Variants in RABGAP1L observed in about 807,000 individuals in gnomAD.
RABGAP1L encodes the protein rab GTPase-activating protein 1-like.
Under a neutral mutation model 137.7 loss-of-function variants are expected in RABGAP1L, and 63 were observed. The ratio of observed to expected loss-of-function variants is 0.46; its 90% confidence interval spans 0.37 to 0.56. The LOEUF (loss-of-function observed/expected upper bound fraction) is 0.56, where lower values mean the gene tolerates loss of function less well. Among genes scored for constraint, RABGAP1L ranks in the 20% least tolerant of loss-of-function variants. The pLI is 0.00. For synonymous variants in RABGAP1L, 431 were observed against 433.7 expected, an observed-to-expected ratio of 0.99 and a Z score of 0.08; for missense variants, 1,095 against 1,244.0, an observed-to-expected ratio of 0.88 and a Z score of 1.80.
intron 19 of RABGAP1L, among the ~76,000 whole-genome samples, chr1:174,943,078 T>C (rs1209594894): frequency 6.6e-6 from 1 of 152,120 alleles, no homozygotes; most frequent in East Asian, 1.9e-4. Context: ...CTTGGACTGG[T>C]TCCTGTGTAC....
chr1:174,574,586 T>C (rs1212978994), intron 13 of RABGAP1L, among the ~76,000 whole-genome samples: 2 of 152,166 alleles, frequency 1.3e-5, no homozygotes, highest in Non-Finnish European at 2.9e-5. Flanking sequence ...ATTTAAATTG[T>C]ACAAGTTTTG....
At chr1:174,311,809 G>A (rs1446644406) in intron 11 of RABGAP1L, among the ~76,000 whole-genome samples, 1 of 152,146 alleles carries the variant, frequency 6.6e-6, no homozygotes, top group Non-Finnish European at 1.5e-5. Context: ...GTTTCGCCGT[G>A]TTGGCCAGGC....
intron 18 of RABGAP1L, among the ~76,000 whole-genome samples, chr1:174,775,844 C>T (rs1686489606): frequency 6.6e-6 from 1 of 152,118 alleles, no homozygotes; most frequent in South Asian, 2.1e-4. Flanking sequence ...AATGTGTTTT[C>T]TGTTCATCTC....
intron 13 of RABGAP1L, among the ~76,000 whole-genome samples, chr1:174,461,398 T>G (rs1290514209): frequency 6.6e-6 from 1 of 152,168 alleles, no homozygotes; most frequent in Non-Finnish European, 1.5e-5. Flanking sequence ...CAAATCAGCT[T>G]TTACGTTAGA....
rs891048712 is a variant in RABGAP1L, at chr1:174,306,987, A to T, written c.1465+1860A>T. Among the ~76,000 whole-genome samples, 5 of 152,342 alleles carry T rather than the reference A, an allele frequency of 3.3e-5. No individual in the cohort carries two copies. In the East Asian group the frequency reaches 9.6e-4, roughly 29 times the overall value. ...GTTTTTTTCTATGATTGCCATAAAC[A>T]TAATAATTATTTTTAGCTAATATTT... On this transcript the variant is annotated intron_variant, in intron 11 of 25. Transcript: ENST00000681986.
At chr1:174,536,559 A>G (rs1451250215) in intron 13 of RABGAP1L, among the ~76,000 whole-genome samples, 1 of 152,180 alleles carries the variant, frequency 6.6e-6, no homozygotes, top group Non-Finnish European at 1.5e-5. Context: ...GATTTTTATG[A>G]AAACAAGCAA....
intron 13 of RABGAP1L, among the ~76,000 whole-genome samples, chr1:174,487,244 A>G (rs1235284309): frequency 6.6e-6 from 1 of 152,052 alleles, no homozygotes; most frequent in Non-Finnish European, 1.5e-5. Context: ...CTGTTACTCT[A>G]TTGGGGTTTA....
rs115718785 is a variant in RABGAP1L at position 174,372,004 on chromosome 1, C to T, written c.1559+932C>T. On this transcript the variant is annotated intron_variant, in intron 12 of 25. Coordinates refer to ENST00000681986, the MANE Select transcript of RABGAP1L (RefSeq NM_001366446.1). Reference sequence around the variant, plus strand: ...GAGATTAGGTTTATCAAATTTGGACCAAAGTATTGGGCCTGTTATTGTTTT... The same window carrying T: ...GAGATTAGGTTTATCAAATTTGGACTAAAGTATTGGGCCTGTTATTGTTTT... 1.2e-3 allele frequency among the ~76,000 whole-genome samples: 189 copies of T among 151,916 alleles called. 1 individual carries two copies. The highest frequency in any genetic ancestry group is 4.5e-3 in the African/African-American group (185 of 41,420).
chr1:174,963,400 C>T lies in RABGAP1L; in HGVS notation c.2433+5851C>T, dbSNP rs117122245. On this transcript the variant is annotated intron_variant, in intron 20 of 25. Coordinates refer to ENST00000681986, the MANE Select transcript of RABGAP1L (RefSeq NM_001366446.1). ...AGCAATATAGCTAATAAGGAGTGGG[C>T]GATTTCTAACAATGCTGGTCTGCTA... Among the ~76,000 whole-genome samples, 46 of 152,094 alleles carry T rather than the reference C, an allele frequency of 3.0e-4. No individual in the cohort carries two copies. The East Asian group carries it at 6.6e-3, about 22-fold the overall frequency.
intron 13 of RABGAP1L, among the ~76,000 whole-genome samples, chr1:174,479,451 A>T (rs1658848871): frequency 6.6e-6 from 1 of 152,168 alleles, no homozygotes; most frequent in African/African-American, 2.4e-5. Flanking sequence ...GCACTTTTGA[A>T]AACTCCTCAG....
chr1:174,511,755 T>C (rs1291552109), intron 13 of RABGAP1L, among the ~76,000 whole-genome samples: 1 of 152,106 alleles, frequency 6.6e-6, no homozygotes, highest in Non-Finnish European at 1.5e-5. Context: ...CCCAAGTAGC[T>C]GGGATTACAG....
intron 3 of RABGAP1L, among the ~76,000 whole-genome samples, chr1:174,226,695 C>T (rs1670206739): frequency 6.6e-6 from 1 of 151,808 alleles, no homozygotes; most frequent in Non-Finnish European, 1.5e-5. Flanking sequence ...GTCCTGAAGT[C>T]TAGTTTTTCT....
At chr1:174,312,466 A>T (rs10912761) in intron 11 of RABGAP1L, among the ~76,000 whole-genome samples, 86,276 of 151,922 alleles carry the variant, frequency 0.57, 26,664 homozygotes, top group African/African-American at 0.83. Context: ...TCCTACAGAG[A>T]TGTTTGAGCT....
At chr1:174,385,221 A>G (rs1347649171) in intron 12 of RABGAP1L, among the ~76,000 whole-genome samples, 1 of 152,216 alleles carries the variant, frequency 6.6e-6, no homozygotes, top group Non-Finnish European at 1.5e-5. Flanking sequence ...TTCTGGATAT[A>G]TTTTAAGAGA....
chr1:174,629,930 A>G (rs2148306332), intron 13 of RABGAP1L, among the ~76,000 whole-genome samples: 1 of 152,328 alleles, frequency 6.6e-6, no homozygotes, highest in African/African-American at 2.4e-5. Flanking sequence ...ATTACTCAGT[A>G]TTGAATAGGA....
At position 174,847,676 on chromosome 1, in the gene RABGAP1L, C is replaced by T. The variant is rs545648086; in HGVS notation, c.2340+35716C>T. On this transcript the variant is annotated intron_variant, in intron 19 of 25. Coordinates refer to ENST00000681986, the MANE Select transcript of RABGAP1L (RefSeq NM_001366446.1). ...GCCCTTAACATTTTTTCCTTCATTT[C>T]AACTTTGGTGAATCTGACAATTATG... Among the ~76,000 whole-genome samples the T allele has an allele frequency of 7.5e-5, 10 of 133,220 alleles. No individual in the cohort carries two copies. The East Asian group carries it at 2.2e-3, about 29-fold the overall frequency. 87.4% of individuals were successfully genotyped at this position (133,220 alleles called of 152,430 possible).
At chr1:174,666,400 C>A (rs1016964798) in intron 14 of RABGAP1L, among the ~76,000 whole-genome samples, 9 of 152,174 alleles carry the variant, frequency 5.9e-5, no homozygotes, top group African/African-American at 2.2e-4. Context: ...GCTATTCAAT[C>A]TGTACTGAAA....
At chr1:174,269,034 C>T (rs563456012) in intron 7 of RABGAP1L, among the ~76,000 whole-genome samples, 2 of 152,248 alleles carry the variant, frequency 1.3e-5, no homozygotes, top group South Asian at 2.1e-4. Flanking sequence ...GCTCTGCCTC[C>T]CCGGTTCACG....
intron 19 of RABGAP1L, chr1:174,945,701 T>G (rs757654997): frequency 6.6e-6 from 1 of 151,990 alleles, no homozygotes; most frequent in East Asian, 1.9e-4. Flanking sequence ...TTTGTACAAA[T>G]CCATAAGGGA....
Sources: gnomAD v4.1 joint callset for allele counts (sites outside exome capture counted in the v4.1 genomes callset) on GRCh38, gnomAD v4.1.1 for gene constraint, MANE v1.5 for transcripts, NCBI Gene and HGNC (gene_info 2026-07-23, HGNC 2026-07-21) for gene names.